Variants in B3GLCT observed in about 807,000 individuals in gnomAD.
B3GLCT encodes beta-1,3-glucosyltransferase.
In B3GLCT, 65 loss-of-function variants were observed where a neutral mutation model predicts 63.4. The ratio of observed to expected loss-of-function variants is 1.03; its 90% confidence interval spans 0.84 to 1.26. The LOEUF is 1.26. Ranked by LOEUF, B3GLCT falls within the 50% of genes most tolerant of loss-of-function variation. The pLI is 0.00. For missense variants in B3GLCT, 577 were observed against 604.8 expected (o/e 0.95, Z 0.48); for synonymous variants, 233 against 219.2 (o/e 1.06, Z -0.55).
At position 31,329,716 on chromosome 13, in the gene B3GLCT, CTG is replaced by C. The variant is rs1276530503; in HGVS notation, c.*51_*52del. ...GCCTGCGCAGGGAATGAACTGGAGA[CTG>C]TGGCCTCATCCCACTGTGCTGTGCT... is the stretch of plus-strand genomic sequence containing the variant. On this transcript the variant is annotated 3_prime_UTR_variant, in exon 15 of 15. Coordinates refer to ENST00000343307, the MANE Select transcript of B3GLCT (RefSeq NM_194318.4). 1 of 1,599,242 alleles carries C rather than the reference CTG, an allele frequency of 6.3e-7. No homozygotes were observed. Among genetic ancestry groups the C allele is most frequent in the Non-Finnish European group, 8.6e-7 (1 of 1,168,196 alleles).
chr13:31,252,868 G>A (rs1479566454), intron 6 of B3GLCT, among the ~76,000 whole-genome samples: 1 of 152,130 alleles, frequency 6.6e-6, no homozygotes, highest in African/African-American at 2.4e-5. Context: ...AGACCTAACA[G>A]ACATCTACAG....
chr13:31,218,662 T>C (rs1373853776), intron 2 of B3GLCT, among the ~76,000 whole-genome samples: 2 of 152,234 alleles, frequency 1.3e-5, no homozygotes, highest in Non-Finnish European at 2.9e-5. Flanking sequence ...TTTGACTTCC[T>C]CTTTTCCTGT....
At position 31,259,498 on chromosome 13, in the gene B3GLCT, G is replaced by T. The variant is rs77322669; in HGVS notation, c.460-1448G>T. On this transcript the variant is annotated intron_variant, in intron 6 of 14. Coordinates refer to ENST00000343307, the MANE Select transcript of B3GLCT (RefSeq NM_194318.4). ...GCACTACAGTACTGCTAAAGGCTTT[G>T]CTCAGCTTTTTAGCCTCTCCACTGC... Among the ~76,000 whole-genome samples, 791 of 151,820 alleles carry T rather than the reference G, an allele frequency of 5.2e-3. 8 individuals carry two copies. Among genetic ancestry groups the T allele is most frequent in the African/African-American group, 0.019 (769 of 41,402 alleles).
chr13:31,291,449 C>T (rs1362026196), intron 12 of B3GLCT, among the ~76,000 whole-genome samples: 3 of 152,188 alleles, frequency 2.0e-5, no homozygotes, highest in African/African-American at 7.2e-5. Flanking sequence ...CTGATTCTTC[C>T]TATCCATGAC....
At chr13:31,281,801 A>G (rs1873082898) in intron 10 of B3GLCT, among the ~76,000 whole-genome samples, 1 of 152,244 alleles carries the variant, frequency 6.6e-6, no homozygotes, top group South Asian at 2.1e-4. Flanking sequence ...AAAACTATTC[A>G]CATTTGATGG....
intron 4 of B3GLCT, among the ~76,000 whole-genome samples, chr13:31,237,270 A>G (rs1870701040): frequency 6.6e-6 from 1 of 152,098 alleles, no homozygotes. Context: ...TGAGAATTAA[A>G]TGCTGAAATT....
At chr13:31,226,184 T>G (rs1405530661) in intron 3 of B3GLCT, among the ~76,000 whole-genome samples, 2 of 152,200 alleles carry the variant, frequency 1.3e-5, no homozygotes, top group African/African-American at 4.8e-5. Flanking sequence ...CTGTGCTCAG[T>G]TAGCTCTGGC....
chr13:31,207,975 C>T (rs1869044808), intron 1 of B3GLCT, among the ~76,000 whole-genome samples: 1 of 152,200 alleles, frequency 6.6e-6, no homozygotes, highest in African/African-American at 2.4e-5. Flanking sequence ...TCACTTAATT[C>T]TTGTTCCATT....
chr13:31,258,061 G>C (rs1330537822), intron 6 of B3GLCT, among the ~76,000 whole-genome samples: 1 of 152,144 alleles, frequency 6.6e-6, no homozygotes, highest in Non-Finnish European at 1.5e-5. Context: ...GATGCATTGG[G>C]AATGGGCTTA....
At chr13:31,296,376 T>C (rs1481220220) in intron 12 of B3GLCT, among the ~76,000 whole-genome samples, 1 of 152,172 alleles carries the variant, frequency 6.6e-6, no homozygotes, top group East Asian at 1.9e-4. Context: ...TAGTGAGGGC[T>C]CTCTTGGGTT....
intron 6 of B3GLCT, among the ~76,000 whole-genome samples, chr13:31,257,808 C>T (rs973258681): frequency 4.6e-5 from 7 of 152,064 alleles, no homozygotes; most frequent in Non-Finnish European, 7.4e-5. Flanking sequence ...TCAGTAGAGG[C>T]GAGTTGCTTT....
intron 12 of B3GLCT, among the ~76,000 whole-genome samples, chr13:31,292,250 A>G (rs943059260): frequency 2.0e-5 from 3 of 152,206 alleles, no homozygotes; most frequent in African/African-American, 7.2e-5. Context: ...ATCAACGTTC[A>G]TCAGGGATAT....
At chr13:31,288,276 C>G (rs1476352124) in intron 12 of B3GLCT, among the ~76,000 whole-genome samples, 2 of 152,150 alleles carry the variant, frequency 1.3e-5, no homozygotes, top group Non-Finnish European at 2.9e-5. Flanking sequence ...TAGCTACCCA[C>G]AACACCAACA....
chr13:31,316,173 G>A (rs976160278), intron 12 of B3GLCT, among the ~76,000 whole-genome samples: 1 of 151,898 alleles, frequency 6.6e-6, no homozygotes, highest in South Asian at 2.1e-4. Context: ...ACACTGCCTA[G>A]TGGAGCACTC....
At chr13:31,209,617 G>A (rs1418096963) in intron 1 of B3GLCT, among the ~76,000 whole-genome samples, 1 of 152,164 alleles carries the variant, frequency 6.6e-6, no homozygotes. Context: ...CACAGGTACC[G>A]GGTTTTATGC....
At chr13:31,208,351 C>T (rs1005272063) in intron 1 of B3GLCT, among the ~76,000 whole-genome samples, 2 of 152,130 alleles carry the variant, frequency 1.3e-5, no homozygotes, top group Non-Finnish European at 2.9e-5. Flanking sequence ...CGTCCTTGGC[C>T]TCACGAGCCT....
intron 10 of B3GLCT, among the ~76,000 whole-genome samples, chr13:31,277,280 G>A (rs979897017): frequency 6.6e-6 from 1 of 152,006 alleles, no homozygotes; most frequent in Admixed American, 6.5e-5. Flanking sequence ...AAAAGCCGCG[G>A]TACAAACAGT....
Position 31,298,282 on chromosome 13 carries a change from T to G in B3GLCT, c.1064+11463T>G, listed in dbSNP as rs143381642. ...TTCATAATATCACAGCCTACCCTCGTTCTTCAGATACCTTACATCAAAAGA... is the reference window on the plus strand; with the variant it reads ...TTCATAATATCACAGCCTACCCTCGGTCTTCAGATACCTTACATCAAAAGA... On this transcript the variant is annotated intron_variant, in intron 12 of 14. Transcript: ENST00000343307. 5.5e-3 allele frequency among the ~76,000 whole-genome samples: 834 copies of G among 152,340 alleles called. 11 individuals carry two copies. Among genetic ancestry groups the G allele is most frequent in the African/African-American group, 0.019 (801 of 41,580 alleles).
At chr13:31,279,654 T>A (rs1253371981) in intron 10 of B3GLCT, among the ~76,000 whole-genome samples, 1 of 152,174 alleles carries the variant, frequency 6.6e-6, no homozygotes, top group Non-Finnish European at 1.5e-5. Context: ...AAATTGCTAA[T>A]GAAGTTTCAG....
Sources: gnomAD v4.1 joint callset for allele counts (sites outside exome capture counted in the v4.1 genomes callset) on GRCh38, gnomAD v4.1.1 for gene constraint, MANE v1.5 for transcripts, NCBI Gene and HGNC (gene_info 2026-07-23, HGNC 2026-07-21) for gene names.